Variants in CDON observed in about 807,000 individuals in gnomAD.
The protein encoded by CDON is cell adhesion molecule-related/down-regulated by oncogenes.
In CDON, 73 loss-of-function variants were observed where a neutral mutation model predicts 120.9. The ratio of observed to expected loss-of-function variants is 0.60; its 90% CI spans 0.50 to 0.73. The LOEUF (loss-of-function observed/expected upper bound fraction) is 0.73. Ranked by LOEUF, CDON falls within the 30% of genes least tolerant of loss-of-function variation. CDON has a pLI of 0.00. For missense variants in CDON, 1,470 were observed against 1,587.3 expected, an observed-to-expected ratio of 0.93 and a Z score of 1.26; for synonymous variants, 566 against 573.5, an observed-to-expected ratio of 0.99 and a Z score of 0.19.
chr11:126,044,986 C>T (rs1195201378), intron 1 of CDON, among the ~76,000 whole-genome samples: 1 of 152,124 alleles, frequency 6.6e-6, no homozygotes, highest in Non-Finnish European at 1.5e-5. Context: ...ACATGTACTA[C>T]ATAAACACAT....
At chr11:125,974,564 C>T (rs1946102693) in intron 18 of CDON, among the ~76,000 whole-genome samples, 3 of 142,514 alleles carry the variant, frequency 2.1e-5, no homozygotes, top group African/African-American at 7.7e-5. Flanking sequence ...AATGTCTAAT[C>T]ACTTTAAATA....
rs1591561111 is a variant in CDON, at chr11:125,981,202, A to C, written c.3123T>G (p.Gly1041=). The change falls in exon 17 of 20, where the codon GGT becomes GGG. Residue 1041 remains glycine, a synonymous_variant. Coordinates refer to ENST00000531738, the MANE Select transcript of CDON (RefSeq NM_001378964.1). The part of the protein sequence containing the change: ...NVHGGFLTNG[G]LSSGYSHLHH... ...GAAGGTGGGAATAGCCACTGCTGAG[A>C]CCGCCATTGGTTAGGAAGCCTCCGT... The C allele has an allele frequency of 1.2e-6, 2 of 1,614,096 alleles. No individual in the cohort carries two copies. The highest frequency in any genetic ancestry group is 1.7e-6 in the Non-Finnish European group (2 of 1,180,006).
At chr11:126,001,411 CA>C (rs1946941707) in intron 11 of CDON, among the ~76,000 whole-genome samples, 1 of 152,048 alleles carries the variant, frequency 6.6e-6, no homozygotes, top group Admixed American at 6.5e-5. Context: ...AGGCTAGTCT[CA>C]AACTCCTAGT....
intron 9 of CDON, 30 bp downstream of exon 9, chr11:126,005,729 C>G: frequency 6.2e-7 from 1 of 1,603,424 alleles, no homozygotes; most frequent in Non-Finnish European, 8.5e-7. Context: ...AGGTGTGAGC[C>G]GAGAAAGATG....
intron 17 of CDON, 28 bp downstream of exon 17, chr11:125,981,021 G>A: frequency 2.5e-6 from 4 of 1,612,758 alleles, no homozygotes; most frequent in South Asian, 1.1e-5. Flanking sequence ...GGGACAGAGG[G>A]GCTTTTATTT....
chr11:126,029,254 G>GT (rs1312528174), intron 1 of CDON, among the ~76,000 whole-genome samples: 70 of 152,298 alleles, frequency 4.6e-4, no homozygotes, highest in African/African-American at 1.6e-3. Flanking sequence ...GAAAAAGAAT[G>GT]TAAGGCATGG....
At position 125,966,872 on chromosome 11, in the gene CDON, TA is replaced by T. The variant is rs555595025; in HGVS notation, c.3357-4875del. Among the ~76,000 whole-genome samples the T allele has an allele frequency of 4.1e-3, 591 of 143,022 alleles. 9 individuals carry two copies. In the South Asian group the frequency reaches 0.054, roughly 13 times the overall value. 93.8% of individuals were successfully genotyped at this position (143,022 alleles called of 152,430 possible). ...GCCAATCTAGAAGTCAATTAGAGGT[TA>T]AAAAAAAAAAGAAAAAACCTTCAAA... On this transcript the variant is annotated intron_variant, in intron 18 of 19. Coordinates refer to ENST00000531738, the MANE Select transcript of CDON (RefSeq NM_001378964.1).
intron 18 of CDON, among the ~76,000 whole-genome samples, chr11:125,971,701 T>C (rs1946003945): frequency 6.6e-6 from 1 of 152,214 alleles, no homozygotes; most frequent in South Asian, 2.1e-4. Context: ...GGAGACTTCC[T>C]GTCCATCTCC....
In CDON at chr11:125,960,613, T is replaced by G. The variant is rs1002368749; in HGVS notation, c.*329A>C. On this transcript the variant is annotated 3_prime_UTR_variant, in exon 20 of 20. Coordinates refer to ENST00000531738, the MANE Select transcript of CDON (RefSeq NM_001378964.1). Reference sequence around the variant, plus strand: ...CCTCCTAGCCGAAGCAGCCAAGAGATGGGATCCTTTGCATGAGGAGCTCTT... The same window carrying G: ...CCTCCTAGCCGAAGCAGCCAAGAGAGGGGATCCTTTGCATGAGGAGCTCTT... 1 of 323,794 alleles carries G rather than the reference T, an allele frequency of 3.1e-6. No homozygotes were observed. Among genetic ancestry groups the G allele is most frequent in the African/African-American group, 2.2e-5 (1 of 46,254 alleles). The allele number at this position is 323,794 out of a possible 1,614,324, so 20.1% of individuals were successfully genotyped here.
At chr11:126,045,893 G>A (rs1948394365) in intron 1 of CDON, among the ~76,000 whole-genome samples, 1 of 151,942 alleles carries the variant, frequency 6.6e-6, no homozygotes, top group South Asian at 2.1e-4. Context: ...TTGCTTAAAT[G>A]TGGGAGGCAG....
chr11:126,018,447 T>C lies in CDON; in HGVS notation c.523A>G (p.Asn175Asp). The part of the protein sequence containing the change: ...TENYLILPSG[N>D]LQILNVSLED... The stretch of plus-strand genomic sequence containing the variant: ...AAGGATACATTCAAAATCTGAAGAT[T>C]TCCTGATGGAAGGATTAAGTAATTC... Residue 175 changes from asparagine to aspartate, a missense_variant, in exon 5 of 20, where the codon AAT (asparagine) becomes GAT (aspartate). Coordinates refer to ENST00000531738, the MANE Select transcript of CDON (RefSeq NM_001378964.1). The C allele has an allele frequency of 6.2e-7, 1 of 1,613,916 alleles. No homozygotes were observed. The highest frequency in any genetic ancestry group is 8.5e-7 in the Non-Finnish European group (1 of 1,179,810).
chr11:126,061,126 G>T (rs2134981776), intron 1 of CDON, among the ~76,000 whole-genome samples: 1 of 152,304 alleles, frequency 6.6e-6, no homozygotes, highest in Non-Finnish European at 1.5e-5. Flanking sequence ...GTTTTTGCAT[G>T]AAAGTTAAAC....
intron 9 of CDON, chr11:126,005,320 AAACAAACAAAC>A: frequency 3.9e-5 from 1 of 25,628 alleles, no homozygotes; most frequent in Non-Finnish European, 9.2e-5. Flanking sequence ...AAAAAAAAAC[AAACAAACAAAC>A]AAAAAAAAAC....
chr11:126,009,253 G>A (rs185159305), intron 8 of CDON, among the ~76,000 whole-genome samples: 24 of 152,294 alleles, frequency 1.6e-4, no homozygotes, highest in East Asian at 3.9e-4. Context: ...GAGCAAGGGC[G>A]TCCTTGTTTG....
intron 10 of CDON, among the ~76,000 whole-genome samples, chr11:126,003,616 C>T (rs1227448548): frequency 1.3e-5 from 2 of 152,026 alleles, no homozygotes; most frequent in Non-Finnish European, 2.9e-5. Flanking sequence ...GTCAGGAGAT[C>T]GAGACCATCC....
chr11:125,965,987 A>G (rs555725423), intron 18 of CDON, among the ~76,000 whole-genome samples: 1 of 152,156 alleles, frequency 6.6e-6, no homozygotes, highest in Non-Finnish European at 1.5e-5. Context: ...AATACAAAAA[A>G]TTAGCCAGGC....
intron 7 of CDON, among the ~76,000 whole-genome samples, chr11:126,013,294 C>A (rs1163905669): frequency 6.6e-6 from 1 of 152,092 alleles, no homozygotes; most frequent in Non-Finnish European, 1.5e-5. Context: ...TTTGATTTTC[C>A]TTTCTTGCAC....
chr11:126,005,933 A>G lies in CDON; in HGVS notation c.1677T>C (p.His559=). 1 of 1,614,144 alleles carries G rather than the reference A, an allele frequency of 6.2e-7. No homozygotes were observed. Among genetic ancestry groups the G allele is most frequent in the Non-Finnish European group, 8.5e-7 (1 of 1,180,020 alleles). The change falls in exon 9 of 20, where the codon CAT becomes CAC. Residue 559 remains histidine (H), a synonymous_variant. Transcript: ENST00000531738. ...CTGGTGCTGATTCCACTGCACTGGGATGGACCTTCACCGGAAATGAGCTCA... is the reference window on the plus strand; with the variant it reads ...CTGGTGCTGATTCCACTGCACTGGGGTGGACCTTCACCGGAAATGAGCTCA... ...GLLSSFPVKV[H]PSAVESAPEK...
At chr11:126,052,682 G>A (rs1378031165) in intron 1 of CDON, among the ~76,000 whole-genome samples, 1 of 152,120 alleles carries the variant, frequency 6.6e-6, no homozygotes, top group Non-Finnish European at 1.5e-5. Context: ...AATTAGCCGG[G>A]CATGGTGGCA....
Sources: allele counts gnomAD v4.1 joint callset (sites outside exome capture counted in the v4.1 genomes callset), GRCh38; gene constraint gnomAD v4.1.1; transcripts MANE v1.5; gene names NCBI Gene and HGNC (gene_info 2026-07-23, HGNC 2026-07-21).